Variants in TBC1D14 observed in about 807,000 individuals in gnomAD.
TBC1D14 encodes the protein TBC1 domain family member 14, also known as TBC1 domain family, member 14.
In TBC1D14, 26 loss-of-function variants were observed where a neutral mutation model predicts 79.0. The observed-to-expected ratio is 0.33, with a 90% confidence interval of 0.24 to 0.46. The LOEUF is 0.46. Ranked by LOEUF, TBC1D14 falls within the 20% of genes least tolerant of loss-of-function variation. The pLI, the probability that TBC1D14 is intolerant of heterozygous loss-of-function variation, is 1.00. For synonymous variants in TBC1D14, 394 were observed against 349.9 expected, an observed-to-expected ratio of 1.13 and a Z score of -1.40; for missense variants, 769 against 887.6, an observed-to-expected ratio of 0.87 and a Z score of 1.70.
intron 2 of TBC1D14, among the ~76,000 whole-genome samples, chr4:6,954,725 C>G (rs1714467285): frequency 6.6e-6 from 1 of 152,242 alleles, no homozygotes; most frequent in Non-Finnish European, 1.5e-5. Flanking sequence ...CTCAGCCTCC[C>G]AAGTAGCTGG....
rs925632967 is a variant in TBC1D14 at position 6,971,318 on chromosome 4, G to A, written c.843+3894G>A. On this transcript the variant is annotated intron_variant, in intron 3 of 13. Coordinates refer to ENST00000409757, the MANE Select transcript of TBC1D14 (RefSeq NM_020773.3). Reference sequence around the variant, plus strand: ...TGCCCAGGGTTGAACACAGTGAGTCGCCCGGCGTTACTAGTCAAGGAATGG... The same window carrying A: ...TGCCCAGGGTTGAACACAGTGAGTCACCCGGCGTTACTAGTCAAGGAATGG... 3.3e-5 allele frequency among the ~76,000 whole-genome samples: 5 copies of A among 152,176 alleles called. No individual in the cohort carries two copies. In the South Asian group the frequency reaches 6.2e-4, roughly 19 times the overall value.
At position 7,006,632 on chromosome 4, in the gene TBC1D14, A is replaced by G; in HGVS notation, c.1352A>G (p.Asp451Gly). 6.2e-7 allele frequency: 1 copy of G among 1,613,568 alleles called. No homozygotes were observed. Among genetic ancestry groups the G allele is most frequent in the Middle Eastern group, 1.6e-4 (1 of 6,062 alleles). The part of the protein sequence containing the change: ...STGGSEVENE[D>G]AGFSAADREA... ...AATTATTTTTGGCATCTTTTGACAG[A>G]TGCTGGTTTTTCAGCAGCAGACAGA... is the stretch of plus-strand genomic sequence containing the variant. Residue 451 changes from aspartate (D) to glycine (G), a missense_variant and splice_region_variant, in exon 9 of 14, where the codon GAT (aspartate) becomes GGT (glycine). Around this residue, in one of 2 missense-constraint regions of TBC1D14, gnomAD observed 367 missense variants for 494.4 expected, o/e 0.74. Transcript: ENST00000409757.
At chr4:6,953,023 C>T (rs200611425) in intron 2 of TBC1D14, among the ~76,000 whole-genome samples, 41 of 107,090 alleles carry the variant, frequency 3.8e-4, no homozygotes, top group Admixed American at 6.6e-4. Context: ...TTTTTTCTTT[C>T]TTTTTTTTTT....
chr4:6,987,297 C>A, intron 3 of TBC1D14: 1 of 1,362,102 alleles, frequency 7.3e-7, no homozygotes, highest in South Asian at 1.7e-5. Flanking sequence ...CGGCCCTCCG[C>A]TCGCTGGGCA....
intron 12 of TBC1D14, among the ~76,000 whole-genome samples, chr4:7,023,610 G>T (rs576790805): frequency 3.3e-5 from 5 of 152,348 alleles, no homozygotes; most frequent in African/African-American, 1.2e-4. Flanking sequence ...CCAAGCCTGC[G>T]ACGGTGCTGC....
At chr4:6,946,162 G>A (rs1271551026) in intron 2 of TBC1D14, among the ~76,000 whole-genome samples, 1 of 152,080 alleles carries the variant, frequency 6.6e-6, no homozygotes, top group African/African-American at 2.4e-5. Context: ...CCGGTCATCA[G>A]GAACTATATT....
chr4:7,028,368 G>A (rs1490590578), intron 13 of TBC1D14, among the ~76,000 whole-genome samples: 2 of 152,068 alleles, frequency 1.3e-5, no homozygotes, highest in Non-Finnish European at 2.9e-5. Flanking sequence ...GATGGTGATA[G>A]GAGTTAGTCT....
At position 6,944,628 on chromosome 4, in the gene TBC1D14, G is replaced by A. The variant is rs1005158208; in HGVS notation, c.722+20517G>A. 1.4e-4 allele frequency among the ~76,000 whole-genome samples: 21 copies of A among 152,338 alleles called. 1 individual carries two copies. Among genetic ancestry groups the A allele is most frequent in the Admixed American group, 1.4e-3 (21 of 15,308 alleles). On this transcript the variant is annotated intron_variant, in intron 2 of 13. Coordinates refer to ENST00000409757, the MANE Select transcript of TBC1D14 (RefSeq NM_020773.3). The stretch of plus-strand genomic sequence containing the variant: ...GCATGCTCCAAGCAGTGGCTGATGG[G>A]CGGTTGGAATTCACCATGGCTCTGG...
chr4:7,005,663 C>T (rs1367062279), intron 8 of TBC1D14, among the ~76,000 whole-genome samples: 1 of 152,000 alleles, frequency 6.6e-6, no homozygotes, highest in South Asian at 2.1e-4. Flanking sequence ...CTCACCACTG[C>T]ACTCCAGCCT....
At chr4:6,967,505 T>A in intron 3 of TBC1D14, 81 bp downstream of exon 3, 1 of 1,535,756 alleles carries the variant, frequency 6.5e-7, no homozygotes, top group Non-Finnish European at 8.7e-7. Flanking sequence ...AATGACCATA[T>A]TGAGTCTGAA....
chr4:6,998,923 C>G (rs945139231), intron 5 of TBC1D14, 162 bp from the exon 6 acceptor site: 6 of 621,786 alleles, frequency 9.6e-6, no homozygotes, highest in Admixed American at 5.6e-5. Context: ...ATGCCTGAGC[C>G]TTCTGGAGTC....
intron 4 of TBC1D14, among the ~76,000 whole-genome samples, chr4:6,994,925 A>G (rs1016647468): frequency 6.6e-6 from 1 of 151,784 alleles, no homozygotes; most frequent in African/African-American, 2.4e-5. Flanking sequence ...TGAAAGTTGT[A>G]TGCTGGGGAG....
intron 1 of TBC1D14, among the ~76,000 whole-genome samples, chr4:6,921,693 AT>A (rs35634049): frequency 0.32 from 29,236 of 91,950 alleles, 3,874 homozygotes; most frequent in Admixed American, 0.33. Flanking sequence ...CACCTGGCTA[AT>A]TTTTTTTTTT....
intron 2 of TBC1D14, 89 bp from the exon 3 acceptor site, chr4:6,967,215 C>T (rs9291126): frequency 0.83 from 1,264,522 of 1,515,014 alleles, 528,602 homozygotes; most frequent in East Asian, 0.98. Flanking sequence ...CAGAGGAAAG[C>T]TGACTTGTTT....
intron 2 of TBC1D14, among the ~76,000 whole-genome samples, chr4:6,942,778 G>T (rs1713033151): frequency 6.6e-6 from 1 of 152,198 alleles, no homozygotes; most frequent in South Asian, 2.1e-4. Flanking sequence ...GGGCCAGTGG[G>T]TGGGATGAGG....
chr4:6,956,076 G>A (rs898343833), intron 2 of TBC1D14, among the ~76,000 whole-genome samples: 1 of 152,202 alleles, frequency 6.6e-6, no homozygotes, highest in African/African-American at 2.4e-5. Flanking sequence ...GTAATTAGAA[G>A]AGGTGGTACC....
intron 2 of TBC1D14, among the ~76,000 whole-genome samples, chr4:6,952,658 A>G (rs774873617): frequency 2.6e-5 from 4 of 152,152 alleles, no homozygotes; most frequent in Admixed American, 6.5e-5. Flanking sequence ...TGCCTTGCAT[A>G]CATATAAACA....
intron 3 of TBC1D14, among the ~76,000 whole-genome samples, chr4:6,977,365 C>T (rs372899824): frequency 6.9e-5 from 10 of 145,244 alleles, no homozygotes; most frequent in Non-Finnish European, 7.6e-5. Flanking sequence ...GCGAGTGATC[C>T]GCCAGCCTCG....
At chr4:6,991,809 C>T (rs1163867265) in intron 3 of TBC1D14, among the ~76,000 whole-genome samples, 5 of 152,178 alleles carry the variant, frequency 3.3e-5, no homozygotes, top group African/African-American at 1.2e-4. Flanking sequence ...CTCAGAGGTG[C>T]TGGGCTTGTT....
Sources: gnomAD v4.1 joint callset for allele counts (sites outside exome capture counted in the v4.1 genomes callset) on GRCh38, gnomAD v4.1.1 for gene constraint, gnomAD v4.1.1 regional missense constraint, MANE v1.5 for transcripts, NCBI Gene and HGNC (gene_info 2026-07-23, HGNC 2026-07-21) for gene names.